The following TMEM17 variants were observed in gnomAD, a reference collection of about 807,000 sequenced individuals.
The protein encoded by TMEM17 is transmembrane protein 17.
A neutral mutation model predicts 19.1 loss-of-function variants in TMEM17; 15 were observed. The ratio of observed to expected loss-of-function variants is 0.78; its 90% CI spans 0.52 to 1.21. The LOEUF is 1.21. Among genes scored for constraint, TMEM17 ranks in the 50% most tolerant of loss-of-function variants. The pLI is 0.00. For missense variants in TMEM17, 245 were observed against 242.3 expected, an observed-to-expected ratio of 1.01 and a Z score of -0.07; for synonymous variants, 103 against 86.9, an observed-to-expected ratio of 1.19 and a Z score of -1.03.
At chr2:62,483,686 G>A in the TMEM17 span, among the ~76,000 whole-genome samples, 14 of 147,686 alleles carry the variant, frequency 9.5e-5, no homozygotes, top group African/African-American at 3.0e-4. Context: ...TGCAACCTCC[G>A]CCTCCTGGGT....
At chr2:62,496,883 A>G (rs1282885569), downstream of TMEM17, among the ~76,000 whole-genome samples, 1 of 152,212 alleles carries the variant, frequency 6.6e-6, no homozygotes, top group African/African-American at 2.4e-5. Flanking sequence ...TGATCACTTG[A>G]GGCTAGGAGT....
intron 1 of TMEM17, 83 bp from the exon 2 acceptor site, chr2:62,502,877 A>G: frequency 1.3e-6 from 1 of 767,884 alleles, no homozygotes; most frequent in Non-Finnish European, 2.0e-6. Flanking sequence ...TAGAATTAAT[A>G]ACTATAATAT....
At chr2:62,495,872 A>G (rs1273225626), downstream of TMEM17, among the ~76,000 whole-genome samples, 1 of 152,182 alleles carries the variant, frequency 6.6e-6, no homozygotes, top group Non-Finnish European at 1.5e-5. Flanking sequence ...TTCAATATTC[A>G]AGAACAAAGT....
At chr2:62,467,998 A>C in the TMEM17 span, among the ~76,000 whole-genome samples, 514 of 151,624 alleles carry the variant, frequency 3.4e-3, 27 homozygotes, top group Admixed American at 0.03. Context: ...GGTACTCAGC[A>C]TGCCCTCTGC....
chr2:62,479,095 C>G, the TMEM17 span, among the ~76,000 whole-genome samples: 1 of 152,212 alleles, frequency 6.6e-6, no homozygotes, highest in East Asian at 1.9e-4. Context: ...CTCCTTCTAG[C>G]TGTTTGAAAC....
chr2:62,497,862 G>C (rs1303678664), downstream of TMEM17, among the ~76,000 whole-genome samples: 1 of 152,222 alleles, frequency 6.6e-6, no homozygotes. Context: ...CCAAGGGCCT[G>C]TTACCTGTCA....
the TMEM17 span, among the ~76,000 whole-genome samples, chr2:62,469,987 C>T: frequency 3.9e-5 from 6 of 152,196 alleles, no homozygotes; most frequent in African/African-American, 7.2e-5. Context: ...CCATGTTCCC[C>T]GGGCCTTGAT....
At chr2:62,465,039 A>G in the TMEM17 span, among the ~76,000 whole-genome samples, 1 of 152,216 alleles carries the variant, frequency 6.6e-6, no homozygotes, top group Non-Finnish European at 1.5e-5. Flanking sequence ...ATAATTTCTA[A>G]TCTTTTGGCT....
chr2:62,471,942 A>T, the TMEM17 span, among the ~76,000 whole-genome samples: 1 of 152,194 alleles, frequency 6.6e-6, no homozygotes, highest in Non-Finnish European at 1.5e-5. Flanking sequence ...ACGTGCCTTT[A>T]TCTATATTGG....
At chr2:62,486,832 C>T in the TMEM17 span, among the ~76,000 whole-genome samples, 1 of 152,120 alleles carries the variant, frequency 6.6e-6, no homozygotes, top group Non-Finnish European at 1.5e-5. Context: ...GGGACAGCTC[C>T]AATCCCAGCT....
chr2:62,471,159 A>G, the TMEM17 span, among the ~76,000 whole-genome samples: 3 of 152,158 alleles, frequency 2.0e-5, no homozygotes, highest in South Asian at 2.1e-4. Flanking sequence ...TTTATTAGGC[A>G]CTTAATGCGT....
chr2:62,498,910 C>T (rs368750712), downstream of TMEM17, among the ~76,000 whole-genome samples: 51 of 152,042 alleles, frequency 3.4e-4, no homozygotes, highest in East Asian at 7.7e-3. Context: ...GACTGCCTAA[C>T]CCCCAAATGT....
chr2:62,498,951 T>A (rs537530633), downstream of TMEM17, among the ~76,000 whole-genome samples: 3 of 152,222 alleles, frequency 2.0e-5, no homozygotes, highest in East Asian at 5.8e-4. Context: ...TCTACCTTGA[T>A]TTTCATATAC....
the TMEM17 span, among the ~76,000 whole-genome samples, chr2:62,477,628 G>A: frequency 5.9e-5 from 9 of 152,322 alleles, no homozygotes; most frequent in East Asian, 1.2e-3. Flanking sequence ...TAAGGCAAGA[G>A]GCTGTCAGGA....
the TMEM17 span, among the ~76,000 whole-genome samples, chr2:62,471,683 T>C: frequency 2.6e-5 from 4 of 152,328 alleles, no homozygotes; most frequent in Admixed American, 6.5e-5. Flanking sequence ...TTGGTCTGAA[T>C]CTTGAAAGAT....
chr2:62,454,941 G>A, the TMEM17 span, among the ~76,000 whole-genome samples: 1 of 152,182 alleles, frequency 6.6e-6, no homozygotes, highest in African/African-American at 2.4e-5. Flanking sequence ...TCCTGACCTA[G>A]TGATTTGCCC....
At chr2:62,477,017 G>A in the TMEM17 span, among the ~76,000 whole-genome samples, 2 of 152,244 alleles carry the variant, frequency 1.3e-5, no homozygotes, top group Admixed American at 1.3e-4. Flanking sequence ...GTGAGGGACT[G>A]GGGAGAGAGA....
downstream of TMEM17, among the ~76,000 whole-genome samples, chr2:62,495,462 C>T (rs1234587357): frequency 6.6e-6 from 1 of 152,196 alleles, no homozygotes; most frequent in Non-Finnish European, 1.5e-5. Flanking sequence ...AGAATGGCCT[C>T]ATAACTATTT....
chr2:62,479,036 C>T, the TMEM17 span, among the ~76,000 whole-genome samples: 8 of 152,176 alleles, frequency 5.3e-5, no homozygotes, highest in African/African-American at 1.2e-4. Context: ...TTAGCATATG[C>T]GTCATCTCAA....
Sources: gnomAD v4.1 joint callset for allele counts (sites outside exome capture counted in the v4.1 genomes callset) on GRCh38, gnomAD v4.1.1 for gene constraint, MANE v1.5 for transcripts, NCBI Gene and HGNC (gene_info 2026-07-23, HGNC 2026-07-21) for gene names.